The following NME7 variants were observed in gnomAD, a reference collection of about 807,000 sequenced individuals.
The protein encoded by NME7 is nucleoside diphosphate kinase 7.
A neutral mutation model predicts 49.1 loss-of-function variants in NME7; 41 were observed. The ratio of observed to expected loss-of-function variants is 0.83; its 90% CI spans 0.65 to 1.08. The LOEUF (loss-of-function observed/expected upper bound fraction) is 1.08. Among genes scored for constraint, NME7 ranks in the 50% least tolerant of loss-of-function variants. NME7 has a pLI of 0.00. For missense variants in NME7, 423 were observed against 463.4 expected (o/e 0.91, Z 0.80); for synonymous variants, 139 against 150.6 (o/e 0.92, Z 0.56).
intron 1 of NME7, among the ~76,000 whole-genome samples, chr1:169,344,031 CT>C (rs1209543784): frequency 6.6e-6 from 1 of 152,130 alleles, no homozygotes; most frequent in Non-Finnish European, 1.5e-5. Context: ...CACATTAAGT[CT>C]TCTAATCCAT....
chr1:169,323,380 C>T, intron 2 of NME7, 97 bp from the exon 3 acceptor site: 3 of 996,078 alleles, frequency 3.0e-6, no homozygotes, highest in Non-Finnish European at 4.1e-6. Flanking sequence ...TTAATTCTGT[C>T]TTATCAAAGA....
chr1:169,276,146 CT>C, intron 7 of NME7, among the ~76,000 whole-genome samples: 1 of 133,732 alleles, frequency 7.5e-6, no homozygotes, highest in African/African-American at 2.5e-5. Context: ...GTCTAAAATT[CT>C]CTTTTTTGGT....
At chr1:169,355,298 T>TAATATA (rs1411168073) in intron 1 of NME7, among the ~76,000 whole-genome samples, 1 of 105,388 alleles carries the variant, frequency 9.5e-6, no homozygotes, top group African/African-American at 3.8e-5. Flanking sequence ...TATTGTATAT[T>TAATATA]ATATATAATA....
At chr1:169,226,661 A>G (rs74125217) in intron 10 of NME7, among the ~76,000 whole-genome samples, 1,788 of 152,298 alleles carry the variant, frequency 0.012, 46 homozygotes, top group African/African-American at 0.041. Context: ...ATGCCTCCTC[A>G]TTCAAAAGTT....
intron 10 of NME7, among the ~76,000 whole-genome samples, chr1:169,172,288 CAAAA>C (rs58058889): frequency 8.3e-6 from 1 of 120,304 alleles, no homozygotes; most frequent in Non-Finnish European, 1.8e-5. Flanking sequence ...TAAAAAAAAA[CAAAA>C]AAAAAACAAA....
chr1:169,336,046 C>T (rs568607739), intron 1 of NME7, among the ~76,000 whole-genome samples: 1 of 151,938 alleles, frequency 6.6e-6, no homozygotes, highest in African/African-American at 2.4e-5. Flanking sequence ...TCTGTCCCTT[C>T]TGATGTTCAG....
chr1:169,154,108 G>C (rs567668989), intron 11 of NME7, among the ~76,000 whole-genome samples: 1 of 152,204 alleles, frequency 6.6e-6, no homozygotes, highest in South Asian at 2.1e-4. Context: ...TGACCTCCCA[G>C]GCTCAAGCAA....
chr1:169,299,939 A>T (rs1202532479), intron 5 of NME7, among the ~76,000 whole-genome samples: 4 of 152,108 alleles, frequency 2.6e-5, no homozygotes, highest in Admixed American at 2.0e-4. Context: ...TGCCTATAAC[A>T]TATCAGCGTC....
At chr1:169,311,416 C>CAAA (rs34576386) in intron 3 of NME7, among the ~76,000 whole-genome samples, 16 of 83,586 alleles carry the variant, frequency 1.9e-4, no homozygotes, top group South Asian at 4.3e-4. Flanking sequence ...GACTCCATCT[C>CAAA]AAAAAAAAAA....
At chr1:169,224,087 A>G (rs1157518980) in intron 10 of NME7, among the ~76,000 whole-genome samples, 3 of 152,110 alleles carry the variant, frequency 2.0e-5, no homozygotes, top group African/African-American at 7.2e-5. Flanking sequence ...TGCTCTTCTC[A>G]TCTCACACAG....
intron 3 of NME7, among the ~76,000 whole-genome samples, chr1:169,316,492 T>C (rs921925922): frequency 4.6e-5 from 7 of 151,934 alleles, no homozygotes; most frequent in Admixed American, 6.6e-5. Flanking sequence ...CCAGAACGTA[T>C]AAATATATTA....
At chr1:169,327,609 C>T (rs1021417936) in intron 1 of NME7, among the ~76,000 whole-genome samples, 5 of 152,004 alleles carry the variant, frequency 3.3e-5, no homozygotes, top group East Asian at 1.9e-4. Context: ...TGGTAAGTAA[C>T]GTAAACAATT....
chr1:169,208,637 A>G (rs1660738111), intron 10 of NME7, among the ~76,000 whole-genome samples: 1 of 152,104 alleles, frequency 6.6e-6, no homozygotes, highest in Non-Finnish European at 1.5e-5. Flanking sequence ...GTAGCTCTGA[A>G]AGTAGAGATT....
intron 11 of NME7, 64 bp downstream of exon 11, chr1:169,169,383 C>T: frequency 7.0e-7 from 1 of 1,434,158 alleles, no homozygotes. Context: ...TCTTACACAT[C>T]AGAACTCCTG....
At chr1:169,237,542 G>A (rs1371242348) in intron 8 of NME7, 81 bp downstream of exon 8, 16 of 1,010,500 alleles carry the variant, frequency 1.6e-5, no homozygotes, top group Non-Finnish European at 2.3e-5. Flanking sequence ...GAGTACACAG[G>A]GAACATTCAA....
chr1:169,245,514 G>A (rs935100374), intron 7 of NME7, among the ~76,000 whole-genome samples: 1 of 152,054 alleles, frequency 6.6e-6, no homozygotes, highest in Non-Finnish European at 1.5e-5. Flanking sequence ...ATGTCAACAA[G>A]GAAATCTTGC....
At chr1:169,224,818 C>T (rs895359680) in intron 10 of NME7, among the ~76,000 whole-genome samples, 4 of 152,076 alleles carry the variant, frequency 2.6e-5, no homozygotes, top group African/African-American at 9.7e-5. Flanking sequence ...AAAACATGAT[C>T]TTGGGGAACA....
chr1:169,156,202 G>T (rs1659065508), intron 11 of NME7, among the ~76,000 whole-genome samples: 1 of 151,072 alleles, frequency 6.6e-6, no homozygotes, highest in African/African-American at 2.4e-5. Flanking sequence ...GGTCCTAGCT[G>T]CTAGGGAGGC....
At chr1:169,135,618 A>C (rs1368756455) in intron 11 of NME7, among the ~76,000 whole-genome samples, 1 of 151,940 alleles carries the variant, frequency 6.6e-6, no homozygotes, top group African/African-American at 2.4e-5. Context: ...TTAACCAGAC[A>C]TGTTATCTGT....
Sources: gnomAD v4.1 joint callset for allele counts (sites outside exome capture counted in the v4.1 genomes callset) on GRCh38, gnomAD v4.1.1 for gene constraint, MANE v1.5 for transcripts, NCBI Gene and HGNC (gene_info 2026-07-23, HGNC 2026-07-21) for gene names.